The following CYP2C19 variants were observed in gnomAD, a reference collection of about 807,000 sequenced individuals.
CYP2C19 encodes the protein cytochrome P450 family 2 subfamily C member 19, also known as cytochrome P450 2C19.
Under a neutral mutation model 40.9 loss-of-function variants are expected in CYP2C19, and 59 were observed. The observed-to-expected ratio is 1.44, with a 90% CI of 1.17 to 1.79. The LOEUF is 1.79. Ranked by LOEUF, CYP2C19 falls within the 40% of genes most tolerant of loss-of-function variation. The probability of loss-of-function intolerance (pLI) is 0.00; values close to 1 mark genes in which losing one functional copy is unlikely to be tolerated. For missense variants in CYP2C19, 754 were observed against 596.9 expected, an observed-to-expected ratio of 1.26 and a Z score of -2.74; for synonymous variants, 253 against 208.7, an observed-to-expected ratio of 1.21 and a Z score of -1.83.
At chr10:94,767,292 A>G (rs1437625657) in intron 1 of CYP2C19, among the ~76,000 whole-genome samples, 1 of 152,096 alleles carries the variant, frequency 6.6e-6, no homozygotes, top group African/African-American at 2.4e-5. Flanking sequence ...TGTGAAGGTG[A>G]TATTGTATCC....
chr10:94,841,205 G>T (rs565276953), intron 6 of CYP2C19, among the ~76,000 whole-genome samples: 2 of 152,334 alleles, frequency 1.3e-5, no homozygotes, highest in South Asian at 4.2e-4. Context: ...GGTCATGGAA[G>T]AGAACCGTGG....
chr10:94,768,606 T>A (rs968851987), intron 1 of CYP2C19, among the ~76,000 whole-genome samples: 1 of 152,156 alleles, frequency 6.6e-6, no homozygotes, highest in African/African-American at 2.4e-5. Flanking sequence ...ATTTATATCA[T>A]GAGTAGTCCA....
intron 8 of CYP2C19, 30 bp from the exon 9 acceptor site, chr10:94,852,703 G>A: frequency 1.2e-6 from 2 of 1,611,130 alleles, no homozygotes; most frequent in Non-Finnish European, 1.7e-6. Context: ...CACATGAGGA[G>A]TAACTTCTCC....
chr10:94,842,859 A>G lies in CYP2C19; in HGVS notation c.984A>G (p.Glu328=). The G allele has an allele frequency of 6.2e-7, 1 of 1,614,142 alleles. No homozygotes were observed. Among genetic ancestry groups the G allele is most frequent in the South Asian group, 1.1e-5 (1 of 91,090 alleles). Residue 328 remains glutamate (E), a synonymous_variant, in exon 7 of 9, where the codon GAA becomes GAG. Transcript: ENST00000371321. The part of the protein sequence containing the change: ...EVTAKVQEEI[E]RVIGRNRSPC... ...CAGCTAAAGTCCAGGAAGAGATTGAACGTGTCATTGGCAGAAACCGGAGCC... is the reference window on the plus strand; with the variant it reads ...CAGCTAAAGTCCAGGAAGAGATTGAGCGTGTCATTGGCAGAAACCGGAGCC...
At chr10:94,789,011 G>C (rs1034422374) in intron 5 of CYP2C19, among the ~76,000 whole-genome samples, 7 of 152,038 alleles carry the variant, frequency 4.6e-5, no homozygotes. Flanking sequence ...AACATCTGTT[G>C]TTTCCTGACT....
chr10:94,788,064 C>T (rs1281252002), intron 5 of CYP2C19, among the ~76,000 whole-genome samples: 2 of 151,888 alleles, frequency 1.3e-5, no homozygotes, highest in African/African-American at 2.4e-5. Flanking sequence ...TTGTAGCTCT[C>T]CTTGTAGAGA....
chr10:94,780,983 C>T (rs1463038517), intron 4 of CYP2C19, among the ~76,000 whole-genome samples: 3 of 152,128 alleles, frequency 2.0e-5, no homozygotes, highest in Admixed American at 2.0e-4. Context: ...CATCCAGGCA[C>T]TTTGGAGTCT....
intron 6 of CYP2C19, among the ~76,000 whole-genome samples, chr10:94,835,937 A>G (rs1254526068): frequency 3.9e-5 from 6 of 152,176 alleles, no homozygotes; most frequent in Non-Finnish European, 8.8e-5. Context: ...TCTACAACGG[A>G]ACTTCCATCA....
intron 5 of CYP2C19, among the ~76,000 whole-genome samples, chr10:94,793,800 G>A (rs748650997): frequency 6.1e-4 from 93 of 152,104 alleles, no homozygotes; most frequent in Non-Finnish European, 1.2e-3. Flanking sequence ...TAGGCTACTC[G>A]GGAGCCAGGT....
At chr10:94,830,540 C>T (rs1404590838) in intron 6 of CYP2C19, among the ~76,000 whole-genome samples, 3 of 152,152 alleles carry the variant, frequency 2.0e-5, no homozygotes, top group Non-Finnish European at 4.4e-5. Context: ...CACCCACTGA[C>T]CTGCGCCCAC....
At chr10:94,784,203 A>G (rs1848512772) in intron 5 of CYP2C19, among the ~76,000 whole-genome samples, 1 of 150,056 alleles carries the variant, frequency 6.7e-6, no homozygotes, top group African/African-American at 2.5e-5. Flanking sequence ...TTGGAGGCTC[A>G]TCTAAGTTGT....
intron 5 of CYP2C19, among the ~76,000 whole-genome samples, chr10:94,813,075 T>A (rs2134261631): frequency 6.6e-6 from 1 of 152,152 alleles, no homozygotes; most frequent in East Asian, 1.9e-4. Context: ...TTTGTTGATG[T>A]TGATGCTATT....
chr10:94,821,121 A>G (rs1849114814), intron 6 of CYP2C19, among the ~76,000 whole-genome samples: 1 of 152,158 alleles, frequency 6.6e-6, no homozygotes, highest in Non-Finnish European at 1.5e-5. Flanking sequence ...AAAGAAAAAA[A>G]GGACATCTTT....
intron 5 of CYP2C19, among the ~76,000 whole-genome samples, chr10:94,783,994 A>T (rs1051010442): frequency 2.6e-5 from 4 of 152,164 alleles, no homozygotes; most frequent in African/African-American, 9.6e-5. Context: ...TGCAACCATC[A>T]GCTTTCTCTG....
chr10:94,769,621 G>A (rs941517208), intron 1 of CYP2C19, among the ~76,000 whole-genome samples: 3 of 152,170 alleles, frequency 2.0e-5, no homozygotes, highest in Non-Finnish European at 2.9e-5. Flanking sequence ...CCTAGAATTG[G>A]GGTGTCGCAG....
At position 94,807,843 on chromosome 10, in the gene CYP2C19, T is replaced by C. The variant is rs116057320; in HGVS notation, c.820-12653T>C. ...ATTTTCTGTCATTCTTCAGGTTGTC[T>C]TTCCACTTTATTGAATGTTTTCTTT... On this transcript the variant is annotated intron_variant, in intron 5 of 8. Transcript: ENST00000371321. Among the ~76,000 whole-genome samples the C allele has an allele frequency of 8.4e-3, 1,273 of 152,262 alleles. 24 individuals carry two copies. The highest frequency in any genetic ancestry group is 0.062 in the East Asian group (321 of 5,188).
At chr10:94,782,963 G>A (rs552424720) in intron 5 of CYP2C19, among the ~76,000 whole-genome samples, 1 of 152,054 alleles carries the variant, frequency 6.6e-6, no homozygotes, top group Non-Finnish European at 1.5e-5. Context: ...CTGTCAAGGG[G>A]TGGAGGGCTT....
rs190647049 is a variant in CYP2C19, at chr10:94,846,753, A to G, written c.1150-3164A>G. Among the ~76,000 whole-genome samples, 1,274 of 151,992 alleles carry G rather than the reference A, an allele frequency of 8.4e-3. 23 individuals are homozygous for G. The highest frequency in any genetic ancestry group is 0.062 in the East Asian group (319 of 5,172). On this transcript the variant is annotated intron_variant, in intron 7 of 8. Transcript: ENST00000371321. ...TGCACAATGTGCAGGTTAGTTACAT[A>G]TGTATACATGTGCCATGCTGGTGTG...
chr10:94,769,209 G>C (rs1285696892), intron 1 of CYP2C19, among the ~76,000 whole-genome samples: 2 of 152,100 alleles, frequency 1.3e-5, no homozygotes, highest in African/African-American at 4.8e-5. Flanking sequence ...GAGATCTAGA[G>C]TACCCTGCTG....
Sources: gnomAD v4.1 joint callset for allele counts (sites outside exome capture counted in the v4.1 genomes callset) on GRCh38, gnomAD v4.1.1 for gene constraint, MANE v1.5 for transcripts, NCBI Gene and HGNC (gene_info 2026-07-23, HGNC 2026-07-21) for gene names.